Variants in DENND6A observed in about 807,000 individuals in gnomAD.
The protein encoded by DENND6A is protein DENND6A.
In DENND6A, 43 loss-of-function variants were observed where a neutral mutation model predicts 95.5. That is an observed-to-expected ratio of 0.45 (90% CI 0.35 to 0.58). The LOEUF is 0.58. DENND6A is among the 20% of genes least tolerant of loss of function. The probability of loss-of-function intolerance (pLI) is 0.00; values close to 1 mark genes in which losing one functional copy is unlikely to be tolerated. For missense variants in DENND6A, 574 were observed against 736.0 expected, an observed-to-expected ratio of 0.78 and a Z score of 2.55; for synonymous variants, 257 against 260.4, an observed-to-expected ratio of 0.99 and a Z score of 0.13.
chr3:57,628,458 A>T, intron 19 of DENND6A, 113 bp from the exon 20 acceptor site: 1 of 1,393,438 alleles, frequency 7.2e-7, no homozygotes, highest in Non-Finnish European at 9.5e-7. Flanking sequence ...TTTCAGTCTT[A>T]GACCAGAAAT....
intron 9 of DENND6A, among the ~76,000 whole-genome samples, chr3:57,646,947 A>G (rs964500905): frequency 2.0e-5 from 3 of 152,212 alleles, no homozygotes; most frequent in African/African-American, 4.8e-5. Context: ...TACTCCCTCT[A>G]CAGAAGTGCT....
rs1199533017 is a variant in DENND6A at position 57,656,921 on chromosome 3, G to A, written c.818+759C>T. ...TGCTGTGAGCCAAGACTGCAGCAGTGCACTCCAGCCTAGGCAATAGAGTGA... is the reference window on the plus strand; with the variant it reads ...TGCTGTGAGCCAAGACTGCAGCAGTACACTCCAGCCTAGGCAATAGAGTGA... On this transcript the variant is annotated intron_variant, in intron 9 of 19. Transcript: ENST00000311128. 2.6e-5 allele frequency among the ~76,000 whole-genome samples: 4 copies of A among 152,294 alleles called. No homozygotes were observed. In the East Asian group the frequency reaches 7.7e-4, roughly 29 times the overall value.
chr3:57,660,570 T>C (rs764377100), intron 7 of DENND6A, among the ~76,000 whole-genome samples, 190 bp downstream of exon 7: 3 of 152,064 alleles, frequency 2.0e-5, no homozygotes, highest in Non-Finnish European at 4.4e-5. Flanking sequence ...TAGCCAGGTG[T>C]GTTGGTGCAT....
chr3:57,650,331 T>C (rs1383316273), intron 9 of DENND6A, among the ~76,000 whole-genome samples: 1 of 150,128 alleles, frequency 6.7e-6, no homozygotes, highest in African/African-American at 2.4e-5. Context: ...GCAGCAGAGA[T>C]GCAGCATTGA....
chr3:57,642,418 G>C (rs1033370774), intron 11 of DENND6A, among the ~76,000 whole-genome samples: 1 of 151,898 alleles, frequency 6.6e-6, no homozygotes, highest in Admixed American at 6.6e-5. Context: ...ACAGGAAGAC[G>C]TGAAAGATGA....
intron 9 of DENND6A, chr3:57,654,865 T>C: frequency 1.2e-6 from 1 of 848,268 alleles, no homozygotes; most frequent in Non-Finnish European, 1.4e-6. Context: ...GATAAATATG[T>C]AAACTTTCAT....
intron 3 of DENND6A, 62 bp downstream of exon 3, chr3:57,672,194 A>T (rs2071629035): frequency 7.0e-7 from 1 of 1,427,084 alleles, no homozygotes; most frequent in African/African-American, 1.4e-5. Flanking sequence ...TTCATACATT[A>T]ACAGTATAAC....
intron 1 of DENND6A, among the ~76,000 whole-genome samples, chr3:57,688,648 C>T (rs970962884): frequency 6.6e-6 from 1 of 151,408 alleles, no homozygotes; most frequent in Non-Finnish European, 1.5e-5. Flanking sequence ...CCAGCTTCAG[C>T]ATGGAGAAAA....
chr3:57,666,529 G>A (rs1406404975), intron 3 of DENND6A, among the ~76,000 whole-genome samples: 1 of 152,136 alleles, frequency 6.6e-6, no homozygotes, highest in Non-Finnish European at 1.5e-5. Flanking sequence ...TGCATATAAT[G>A]TTGACTCACA....
intron 11 of DENND6A, among the ~76,000 whole-genome samples, chr3:57,645,278 T>A (rs2071054751): frequency 1.3e-5 from 2 of 151,858 alleles, no homozygotes; most frequent in African/African-American, 4.8e-5. Flanking sequence ...CTGATCAACA[T>A]GGTGAAACCC....
At position 57,693,043 on chromosome 3, in the gene DENND6A, C is replaced by A; in HGVS notation, c.-25G>T. ...TCGGCCGCCCCCTGACCGTTCGCGC[C>A]GCCTCCACAGCGGACCGCGCCGCAG... On this transcript the variant is annotated 5_prime_UTR_variant, in exon 1 of 20. Coordinates refer to ENST00000311128, the MANE Select transcript of DENND6A (RefSeq NM_152678.3). 1.4e-6 allele frequency: 2 copies of A among 1,384,330 alleles called. No homozygotes were observed. The highest frequency in any genetic ancestry group is 1.9e-6 in the Non-Finnish European group (2 of 1,078,010). 85.8% of individuals were successfully genotyped at this position (1,384,330 alleles called of 1,614,324 possible).
At chr3:57,643,757 G>GT (rs1338365401) in intron 11 of DENND6A, among the ~76,000 whole-genome samples, 1 of 150,816 alleles carries the variant, frequency 6.6e-6, no homozygotes, top group African/African-American at 2.4e-5. Context: ...AACCCAGGAG[G>GT]TGAAGTTTGC....
intron 5 of DENND6A, among the ~76,000 whole-genome samples, chr3:57,662,155 CTTTAT>C (rs1006488465): frequency 2.0e-5 from 2 of 101,948 alleles, no homozygotes; most frequent in African/African-American, 7.0e-5. Context: ...AGATTATTTT[CTTTAT>C]TTTTGTTTCT....
intron 4 of DENND6A, 30 bp downstream of exon 4, chr3:57,666,093 T>C (rs886175634): frequency 3.8e-6 from 6 of 1,575,086 alleles, no homozygotes; most frequent in Admixed American, 1.7e-5. Flanking sequence ...TCCTCTCACA[T>C]GGACATTTTC....
At chr3:57,672,103 C>T (rs9829582) in intron 3 of DENND6A, among the ~76,000 whole-genome samples, 153 bp downstream of exon 3, 49 of 152,230 alleles carry the variant, frequency 3.2e-4, no homozygotes, top group African/African-American at 1.1e-3. Context: ...CTAAAATCAA[C>T]GATGACATGA....
chr3:57,652,656 T>G (rs1424146766), intron 9 of DENND6A, among the ~76,000 whole-genome samples: 2 of 152,198 alleles, frequency 1.3e-5, no homozygotes, highest in Non-Finnish European at 2.9e-5. Context: ...AACAATTAAC[T>G]TATCAGTGGA....
chr3:57,639,330 G>C (rs1326218244), intron 12 of DENND6A, among the ~76,000 whole-genome samples: 3 of 152,076 alleles, frequency 2.0e-5, no homozygotes, highest in Non-Finnish European at 2.9e-5. Flanking sequence ...TAAACTGATG[G>C]GCCACTTTGG....
chr3:57,679,209 T>C (rs892785795), intron 1 of DENND6A, among the ~76,000 whole-genome samples: 2 of 152,366 alleles, frequency 1.3e-5, no homozygotes, highest in South Asian at 4.1e-4. Context: ...AAGGCAAATA[T>C]CTGAAAACAG....
At chr3:57,674,631 C>T (rs2071679295) in intron 1 of DENND6A, among the ~76,000 whole-genome samples, 1 of 152,142 alleles carries the variant, frequency 6.6e-6, no homozygotes, top group Non-Finnish European at 1.5e-5. Flanking sequence ...GAGCAAGACT[C>T]TTATCTCAAA....
Sources: allele counts gnomAD v4.1 joint callset (sites outside exome capture counted in the v4.1 genomes callset), GRCh38; gene constraint gnomAD v4.1.1; transcripts MANE v1.5; gene names NCBI Gene and HGNC (gene_info 2026-07-23, HGNC 2026-07-21).